The following MIER2 variants were observed in gnomAD, a reference collection of about 807,000 sequenced individuals.
MIER2 encodes MIER family member 2.
Under a neutral mutation model 67.6 loss-of-function variants are expected in MIER2, and 30 were observed. That is an observed-to-expected ratio of 0.44 (90% CI 0.33 to 0.60). MIER2 has a LOEUF of 0.60. Ranked by LOEUF, MIER2 falls within the 20% of genes least tolerant of loss-of-function variation. The pLI is 0.02. For synonymous variants in MIER2, 372 were observed against 312.6 expected (o/e 1.19, Z -2.00); for missense variants, 702 against 745.1 (o/e 0.94, Z 0.67).
chr19:333,147 T>C (rs1972098829), intron 3 of MIER2, among the ~76,000 whole-genome samples: 1 of 97,590 alleles, frequency 1.0e-5, no homozygotes. Flanking sequence ...CACCCGCCAC[T>C]ATGCCCGGCT....
At chr19:307,952 A>G (rs1396513821) in intron 12 of MIER2, among the ~76,000 whole-genome samples, 2 of 134,662 alleles carry the variant, frequency 1.5e-5, no homozygotes, top group Non-Finnish European at 3.2e-5. Context: ...CCTCACCACA[A>G]TTCTAGGAAG....
chr19:330,662 G>C lies in MIER2; in HGVS notation c.244-2673C>G, dbSNP rs911020041. Among the ~76,000 whole-genome samples, 3 of 152,108 alleles carry C rather than the reference G, an allele frequency of 2.0e-5. No homozygotes were observed. In the East Asian group the frequency reaches 5.8e-4, roughly 29 times the overall value. ...ATTTGGAGACGGGGCATTTACAGAGGTAATTAAGGTTCAAGGAGGCCGTGA... is the reference window on the plus strand; with the variant it reads ...ATTTGGAGACGGGGCATTTACAGAGCTAATTAAGGTTCAAGGAGGCCGTGA... On this transcript the variant is annotated intron_variant, in intron 3 of 13. Coordinates refer to ENST00000264819, the MANE Select transcript of MIER2 (RefSeq NM_017550.3).
At chr19:327,320 T>C in intron 4 of MIER2, 64 bp from the exon 5 acceptor site, 1 of 1,533,428 alleles carries the variant, frequency 6.5e-7, no homozygotes, top group South Asian at 1.2e-5. Context: ...ATACCACTAA[T>C]GATAACAACA....
At chr19:338,956 G>A (rs1330483881) in intron 1 of MIER2, among the ~76,000 whole-genome samples, 1 of 151,770 alleles carries the variant, frequency 6.6e-6, no homozygotes, top group Non-Finnish European at 1.5e-5. Flanking sequence ...CAACTTTTCG[G>A]AGAAAATATA....
At chr19:327,417 G>A (rs529775173) in intron 4 of MIER2, among the ~76,000 whole-genome samples, 161 bp from the exon 5 acceptor site, 2 of 152,244 alleles carry the variant, frequency 1.3e-5, no homozygotes, top group African/African-American at 4.8e-5. Flanking sequence ...GAGCGGGGAT[G>A]GGAAGGAGAC....
rs1166220639 is a variant in MIER2, at chr19:313,523, G to A, written c.776C>T (p.Pro259Leu). ...ACTGTCTTTCACGGCTTCTCCCTCTGGGAGCTGAGGCCCGGCCATCTCGTG... is the reference window on the plus strand; with the variant it reads ...ACTGTCTTTCACGGCTTCTCCCTCTAGGAGCTGAGGCCCGGCCATCTCGTG... Reference protein sequence around the residue: ...RWHEMAGPQLPEGEAVKDSEQ... With the variant: ...RWHEMAGPQLLEGEAVKDSEQ... Residue 259 changes from proline (P) to leucine (L), a missense_variant, in exon 8 of 14, where the codon CCA becomes CTA. By Grantham distance (98) the Pro-to-Leu change is moderately conservative (BLOSUM62 -3). Transcript: ENST00000264819. 2 of 1,612,654 alleles carry A rather than the reference G, an allele frequency of 1.2e-6. No homozygotes were observed. Among genetic ancestry groups the A allele is most frequent in the South Asian group, 2.2e-5 (2 of 91,084 alleles).
chr19:332,366 G>T (rs1972066710), intron 3 of MIER2, among the ~76,000 whole-genome samples: 1 of 152,080 alleles, frequency 6.6e-6, no homozygotes, highest in African/African-American at 2.4e-5. Flanking sequence ...GCAATGGCCT[G>T]ATCTCGGCTC....
intron 1 of MIER2, chr19:343,864 G>A (rs772547343): frequency 1.3e-5 from 13 of 985,212 alleles, no homozygotes; most frequent in Non-Finnish European, 1.6e-5. Flanking sequence ...AGTCCACACA[G>A]GCTCATCCAC....
intron 7 of MIER2, among the ~76,000 whole-genome samples, chr19:318,725 G>A (rs902027719): frequency 2.6e-5 from 4 of 152,176 alleles, no homozygotes; most frequent in Admixed American, 1.3e-4. Flanking sequence ...TGAAATCACG[G>A]AGTATGTTTT....
chr19:342,925 C>T (rs1972567474), intron 1 of MIER2, among the ~76,000 whole-genome samples: 1 of 151,996 alleles, frequency 6.6e-6, no homozygotes, highest in Non-Finnish European at 1.5e-5. Flanking sequence ...AGAACAAGTC[C>T]GGTGGTCAGA....
At position 321,886 on chromosome 19, in the gene MIER2, GTTTTTA is replaced by G. The variant is rs545011226; in HGVS notation, c.655+3743_655+3748del. The stretch of plus-strand genomic sequence containing the variant: ...GTGGGGGAGACAATGGACTTTTGTT[GTTTTTA>G]TTTTTATTTTTATTTTTATTTTTTA... On this transcript the variant is annotated intron_variant, in intron 7 of 13. Coordinates refer to ENST00000264819, the MANE Select transcript of MIER2 (RefSeq NM_017550.3). Among the ~76,000 whole-genome samples the G allele has an allele frequency of 4.5e-3, 683 of 151,996 alleles. 4 individuals carry two copies. Among genetic ancestry groups the G allele is most frequent in the African/African-American group, 0.014 (581 of 41,462 alleles).
intron 7 of MIER2, among the ~76,000 whole-genome samples, chr19:316,387 G>A (rs1478714188): frequency 6.6e-6 from 1 of 152,030 alleles, no homozygotes; most frequent in East Asian, 1.9e-4. Context: ...CCATCTCCGG[G>A]GTTCAAGCGA....
chr19:331,360 GA>G (rs917485905), intron 3 of MIER2, among the ~76,000 whole-genome samples: 125 of 117,830 alleles, frequency 1.1e-3, no homozygotes, highest in Middle Eastern at 4.9e-3. Context: ...TCTGTCCCCA[GA>G]AAAAAAAAAA....
At chr19:330,564 A>G (rs935108177) in intron 3 of MIER2, among the ~76,000 whole-genome samples, 2 of 151,850 alleles carry the variant, frequency 1.3e-5, no homozygotes, top group Non-Finnish European at 2.9e-5. Flanking sequence ...AGAAAAAAAA[A>G]AAAAAAAAAC....
intron 3 of MIER2, among the ~76,000 whole-genome samples, chr19:330,690 G>A (rs577937721): frequency 6.6e-6 from 1 of 152,142 alleles, no homozygotes; most frequent in African/African-American, 2.4e-5. Context: ...GGCCGTGAGG[G>A]TGGGGCCCTG....
intron 1 of MIER2, among the ~76,000 whole-genome samples, chr19:341,187 G>T (rs1972484303): frequency 6.6e-6 from 1 of 152,220 alleles, no homozygotes; most frequent in Non-Finnish European, 1.5e-5. Flanking sequence ...TCCTGCCTCA[G>T]TCAGGGGCTG....
At chr19:326,645 G>T (rs751100422) in intron 5 of MIER2, 47 bp from the exon 6 acceptor site, 2 of 1,449,276 alleles carry the variant, frequency 1.4e-6, no homozygotes, top group African/African-American at 1.4e-5. Context: ...ACTGCCTGCA[G>T]CCTATACAAC....
intron 2 of MIER2, 63 bp downstream of exon 2, chr19:336,020 T>C: frequency 6.6e-7 from 1 of 1,515,916 alleles, no homozygotes; most frequent in East Asian, 2.3e-5. Flanking sequence ...CAGCAGGCAT[T>C]CTGTCTCTCA....
rs1970667240 is a variant in MIER2 at position 306,709 on chromosome 19, C to T, written c.1619G>A (p.Cys540Tyr). The change falls in exon 14 of 14, where the codon TGT (cysteine) becomes TAT (tyrosine). Residue 540 changes from cysteine (C) to tyrosine (Y), a missense_variant and splice_region_variant. By Grantham distance (194) the Cys-to-Tyr change is radical (BLOSUM62 -2). This residue lies in a region of MIER2 where 254 missense variants were observed against 262.8 expected (regional missense o/e 0.97). Coordinates refer to ENST00000264819, the MANE Select transcript of MIER2 (RefSeq NM_017550.3). ...PGLHSEPLSH[C>Y]NVMTC ...CAGGAGTCAGCAGGTCATCACGTTA[C>T]AGCTGCAGGGGAGAGACCAAGAGAG... 6.4e-7 allele frequency: 1 copy of T among 1,560,850 alleles called. No homozygotes were observed. The highest frequency in any genetic ancestry group is 1.9e-5 in the Admixed American group (1 of 52,390).
Sources: gnomAD v4.1 joint callset for allele counts (sites outside exome capture counted in the v4.1 genomes callset) on GRCh38, gnomAD v4.1.1 for gene constraint, gnomAD v4.1.1 regional missense constraint, MANE v1.5 for transcripts, NCBI Gene and HGNC (gene_info 2026-07-23, HGNC 2026-07-21) for gene names.